The following PALS1 variants were observed in gnomAD, a reference collection of about 807,000 sequenced individuals.
The protein encoded by PALS1 is protein associated with LIN7 1, MAGUK p55 family member, also known as protein PALS1.
A neutral mutation model predicts 78.9 loss-of-function variants in PALS1; 31 were observed. The observed-to-expected ratio is 0.39, with a 90% confidence interval of 0.30 to 0.53. The LOEUF (loss-of-function observed/expected upper bound fraction) is 0.53. Among genes scored for constraint, PALS1 ranks in the 20% least tolerant of loss-of-function variants. PALS1 has a pLI of 0.67. For synonymous variants in PALS1, 276 were observed against 270.9 expected (o/e 1.02, Z -0.18); for missense variants, 704 against 826.5 (o/e 0.85, Z 1.82).
intron 1 of PALS1, among the ~76,000 whole-genome samples, chr14:67,255,626 C>A (rs115874811): frequency 1.3e-5 from 2 of 152,096 alleles, no homozygotes; most frequent in African/African-American, 4.8e-5. Context: ...GATAACACTT[C>A]GATTACTTTT....
intron 13 of PALS1, 73 bp downstream of exon 13, chr14:67,321,332 A>G (rs2085261751): frequency 6.8e-7 from 1 of 1,481,070 alleles, no homozygotes; most frequent in Non-Finnish European, 9.4e-7. Context: ...TGGAAGCTAT[A>G]TTTTGGTCCA....
At chr14:67,274,747 T>C (rs1288253656) in intron 2 of PALS1, among the ~76,000 whole-genome samples, 1 of 152,302 alleles carries the variant, frequency 6.6e-6, no homozygotes, top group East Asian at 1.9e-4. Flanking sequence ...ATTCTTCCCA[T>C]CCATGAGCAT....
intron 1 of PALS1, among the ~76,000 whole-genome samples, chr14:67,255,807 C>G (rs1270019665): frequency 6.6e-6 from 1 of 152,208 alleles, no homozygotes; most frequent in African/African-American, 2.4e-5. Context: ...TCTGCCTCAG[C>G]CTCCCTAGTA....
chr14:67,307,246 T>G (rs1391481237), intron 8 of PALS1, among the ~76,000 whole-genome samples: 1 of 151,806 alleles, frequency 6.6e-6, no homozygotes, highest in African/African-American at 2.4e-5. Flanking sequence ...CTCGGCCTTT[T>G]TAAAAAAAGG....
chr14:67,314,197 G>A (rs1436460314), intron 9 of PALS1, among the ~76,000 whole-genome samples: 1 of 144,946 alleles, frequency 6.9e-6, no homozygotes, highest in East Asian at 2.3e-4. Flanking sequence ...AGAAGAAAAG[G>A]AGGGCATGAA....
intron 7 of PALS1, 137 bp from the exon 8 acceptor site, chr14:67,303,385 T>C (rs2084956067): frequency 1.5e-6 from 1 of 645,996 alleles, no homozygotes; most frequent in African/African-American, 1.8e-5. Flanking sequence ...ATTGCTTTGG[T>C]AGAGCAAAGT....
rs751460928 is a variant in PALS1 at position 67,312,572 on chromosome 14, T to C, written c.1087T>C (p.Tyr363His). ...HFDYDPSDDPYVPCRELGLSF... is the reference protein window; with the variant it reads ...HFDYDPSDDPHVPCRELGLSF... ...TGACTATGACCCCTCAGATGACCCT[T>C]ATGTTCCATGTCGAGAGTTAGGTCT... The change falls in exon 9 of 15, where the codon TAT becomes CAT. Residue 363 changes from tyrosine to histidine, a missense_variant. Transcript: ENST00000261681. The C allele has an allele frequency of 3.1e-6, 5 of 1,613,018 alleles. No individual in the cohort carries two copies. In the South Asian group the frequency reaches 4.4e-5, roughly 14 times the overall value.
intron 2 of PALS1, among the ~76,000 whole-genome samples, chr14:67,273,814 C>T (rs2084454837): frequency 6.6e-6 from 1 of 152,196 alleles, no homozygotes; most frequent in South Asian, 2.1e-4. Flanking sequence ...GATCGCCATT[C>T]TAACTGGTGT....
At chr14:67,314,710 G>T (rs977975382) in intron 9 of PALS1, among the ~76,000 whole-genome samples, 1 of 152,210 alleles carries the variant, frequency 6.6e-6, no homozygotes, top group African/African-American at 2.4e-5. Context: ...TTCCAATGAT[G>T]ACATTTCTAA....
intron 9 of PALS1, among the ~76,000 whole-genome samples, chr14:67,315,848 C>T (rs533505497): frequency 6.6e-6 from 1 of 152,340 alleles, no homozygotes; most frequent in African/African-American, 2.4e-5. Flanking sequence ...TCCCTTGAAC[C>T]TGGAAGGCGG....
intron 3 of PALS1, among the ~76,000 whole-genome samples, chr14:67,285,541 G>A (rs916192016): frequency 1.3e-5 from 2 of 151,684 alleles, no homozygotes; most frequent in African/African-American, 4.8e-5. Flanking sequence ...TAATTTTTTT[G>A]TATGTTTTTA....
At chr14:67,296,094 A>G (rs1213877844) in intron 4 of PALS1, among the ~76,000 whole-genome samples, 1 of 151,890 alleles carries the variant, frequency 6.6e-6, no homozygotes, top group African/African-American at 2.4e-5. Context: ...CTGTTTTGGG[A>G]GGATGGGAAG....
At chr14:67,292,435 G>A (rs1260246671) in intron 3 of PALS1, 76 bp from the exon 4 acceptor site, 2 of 1,013,540 alleles carry the variant, frequency 2.0e-6, no homozygotes, top group East Asian at 5.0e-5. Flanking sequence ...CTGGTTCAAA[G>A]AAATGTTCTC....
In PALS1 at chr14:67,279,117, G is replaced by A; in HGVS notation, c.-54G>A. The A allele has an allele frequency of 2.8e-6, 4 of 1,428,490 alleles. No homozygotes were observed. The highest frequency in any genetic ancestry group is 3.7e-6 in the Non-Finnish European group (4 of 1,079,664). 88.5% of individuals were successfully genotyped at this position (1,428,490 alleles called of 1,614,324 possible). A position where few individuals can be genotyped will look rare whatever the true frequency, so the allele number is the denominator to read the frequency against. On this transcript the variant is annotated 5_prime_UTR_variant, in exon 3 of 15. The change creates a premature stop within an existing upstream ORF in the 5' untranslated region. Coordinates refer to ENST00000261681, the MANE Select transcript of PALS1 (RefSeq NM_022474.4). Reference sequence around the variant, plus strand: ...TTTATACTACAGAATCAAGAGAATTGGCTTATAGGAAAAATTGATTTATAA... The same window carrying A: ...TTTATACTACAGAATCAAGAGAATTAGCTTATAGGAAAAATTGATTTATAA...
chr14:67,306,555 G>A (rs761140053), intron 8 of PALS1, among the ~76,000 whole-genome samples: 3 of 151,210 alleles, frequency 2.0e-5, no homozygotes, highest in Non-Finnish European at 4.4e-5. Context: ...TTTTAGTAGA[G>A]ACAGAGTTTC....
chr14:67,320,663 G>A (rs2085249831), intron 12 of PALS1, among the ~76,000 whole-genome samples: 1 of 152,068 alleles, frequency 6.6e-6, no homozygotes, highest in Non-Finnish European at 1.5e-5. Flanking sequence ...TAGAGAATCA[G>A]TTCCTGCTGC....
At chr14:67,295,840 C>G (rs1057122357) in intron 4 of PALS1, among the ~76,000 whole-genome samples, 27 of 152,182 alleles carry the variant, frequency 1.8e-4, no homozygotes, top group African/African-American at 6.3e-4. Flanking sequence ...TACTGTGACC[C>G]AGCAATTTCA....
At position 67,303,570 on chromosome 14, in the gene PALS1, A is replaced by G. The variant is rs1566564644; in HGVS notation, c.1012A>G (p.Ile338Val). 7.4e-6 allele frequency: 12 copies of G among 1,613,686 alleles called. No homozygotes were observed. The highest frequency in any genetic ancestry group is 9.3e-6 in the Non-Finnish European group (11 of 1,179,730). The change falls in exon 8 of 15, where the codon ATC (isoleucine) becomes GTC (valine). Residue 338 changes from isoleucine to valine, a missense_variant. Transcript: ENST00000261681. Reference sequence around the variant, plus strand: ...TTTTGTCCTGATTCCCAGTCAACAGATCAAGCCGCCTCCTGCCAAGGAAAC... The same window carrying G: ...TTTTGTCCTGATTCCCAGTCAACAGGTCAAGCCGCCTCCTGCCAAGGAAAC... ...LTFVLIPSQQIKPPPAKETVI... is the reference protein window; with the variant it reads ...LTFVLIPSQQVKPPPAKETVI...
rs572527673 is a variant in PALS1 at position 67,297,774 on chromosome 14, T to A, written c.577-3615T>A. 4.1e-4 allele frequency among the ~76,000 whole-genome samples: 62 copies of A among 152,228 alleles called. 1 individual carries two copies. Among genetic ancestry groups the A allele is most frequent in the Admixed American group, 4.1e-3 (62 of 15,280 alleles). On this transcript the variant is annotated intron_variant, in intron 4 of 14. Coordinates refer to ENST00000261681, the MANE Select transcript of PALS1 (RefSeq NM_022474.4). ...GACTTCCTATCCTCTCTTCCTTTCA[T>A]TGAATTCATTAAATATTTCAGTGCT...
Sources: gnomAD v4.1 joint callset for allele counts (sites outside exome capture counted in the v4.1 genomes callset) on GRCh38, gnomAD v4.1.1 for gene constraint, MANE v1.5 for transcripts, NCBI Gene and HGNC (gene_info 2026-07-23, HGNC 2026-07-21) for gene names.